Variants in HMGCLL1 observed in about 807,000 individuals in gnomAD.
The protein encoded by HMGCLL1 is 3-hydroxy-3-methylglutaryl-CoA lyase like 1, also known as 3-hydroxymethyl-3-methylglutaryl-CoA lyase, cytoplasmic.
HMGCLL1 carries 36 observed loss-of-function variants against 39.1 expected under a neutral mutation model. The observed-to-expected ratio is 0.92, with a 90% confidence interval of 0.71 to 1.22. HMGCLL1 has a LOEUF of 1.22. Ranked by LOEUF, HMGCLL1 falls within the 50% of genes most tolerant of loss-of-function variation. The pLI is 0.00. For missense variants in HMGCLL1, 451 were observed against 416.5 expected (o/e 1.08, Z -0.72); for synonymous variants, 149 against 144.0 (o/e 1.03, Z -0.25).
rs1764716573 is a variant in HMGCLL1 at position 55,464,570 on chromosome 6, A to C, written c.796-25011T>G. On this transcript the variant is annotated intron_variant, in intron 7 of 8. Transcript: ENST00000274901. The stretch of plus-strand genomic sequence containing the variant: ...TTGATTCAGTTTCATTCAGATTAAT[A>C]ATCTACTCAAGATTAATGATTAAAC... 3.3e-5 allele frequency among the ~76,000 whole-genome samples: 5 copies of C among 149,986 alleles called. No individual in the cohort carries two copies. The South Asian group carries it at 1.1e-3, about 32-fold the overall frequency.
intron 3 of HMGCLL1, among the ~76,000 whole-genome samples, chr6:55,532,621 T>C (rs891680495): frequency 1.3e-5 from 2 of 151,694 alleles, no homozygotes; most frequent in African/African-American, 4.8e-5. Context: ...GCCAAGATGG[T>C]GAAACCTCGT....
In HMGCLL1 at chr6:55,578,951, C is replaced by T. The variant is rs1450396752; in HGVS notation, c.105G>A (p.Ala35=). The T allele has an allele frequency of 6.2e-7, 1 of 1,609,452 alleles. No individual in the cohort carries two copies. The highest frequency in any genetic ancestry group is 8.5e-7 in the Non-Finnish European group (1 of 1,177,888). The stretch of plus-strand genomic sequence containing the variant: ...ACCCTGGGCCGCGAGGTGGTACCTG[C>T]GCGGGGTCGAGCGCCCCTGCCACTG... ...GDSVAGALDP[A]QETSQLSGLP... is the part of the protein sequence containing the mutation. Residue 35 remains alanine (A), a synonymous_variant, in exon 1 of 9, where the codon GCG becomes GCA. Transcript: ENST00000274901.
At chr6:55,621,497 C>T in the HMGCLL1 span, among the ~76,000 whole-genome samples, 1 of 151,898 alleles carries the variant, frequency 6.6e-6, no homozygotes, top group Non-Finnish European at 1.5e-5. Context: ...ATTAGATTCT[C>T]ATAGTACCAT....
the HMGCLL1 span, among the ~76,000 whole-genome samples, chr6:55,608,089 A>G: frequency 1.1e-4 from 17 of 152,190 alleles, no homozygotes. Flanking sequence ...TGCCTCTTAT[A>G]TTAGTAAACA....
intron 1 of HMGCLL1, among the ~76,000 whole-genome samples, chr6:55,563,018 A>G (rs185682453): frequency 6.6e-6 from 1 of 152,202 alleles, no homozygotes; most frequent in Admixed American, 6.6e-5. Flanking sequence ...ATAAACCTAC[A>G]TACATAAAGA....
the HMGCLL1 span, among the ~76,000 whole-genome samples, chr6:55,627,951 C>A: frequency 7.2e-3 from 33 of 4,568 alleles, 3 homozygotes; most frequent in Non-Finnish European, 9.5e-3. Context: ...AGTATATATA[C>A]TATATATATA....
the HMGCLL1 span, among the ~76,000 whole-genome samples, chr6:55,628,585 G>A: frequency 7.4e-4 from 112 of 151,790 alleles, no homozygotes; most frequent in African/African-American, 2.3e-3. Flanking sequence ...AATATGTTAC[G>A]TCACTCTCTC....
At chr6:55,566,919 G>T (rs1771246577) in intron 1 of HMGCLL1, among the ~76,000 whole-genome samples, 1 of 152,026 alleles carries the variant, frequency 6.6e-6, no homozygotes, top group Non-Finnish European at 1.5e-5. Flanking sequence ...CAATCAGAAA[G>T]GCAGTTAATT....
the HMGCLL1 span, among the ~76,000 whole-genome samples, chr6:55,657,521 C>A: frequency 6.6e-6 from 1 of 151,858 alleles, no homozygotes; most frequent in Non-Finnish European, 1.5e-5. Flanking sequence ...CTTCTGAATT[C>A]TCTATTTTGT....
At chr6:55,489,790 CA>C (rs1331075451) in intron 7 of HMGCLL1, among the ~76,000 whole-genome samples, 1 of 151,904 alleles carries the variant, frequency 6.6e-6, no homozygotes, top group East Asian at 1.9e-4. Flanking sequence ...CCAAGAAAAG[CA>C]AACAAAATAT....
At chr6:55,559,242 T>C (rs548166583) in intron 1 of HMGCLL1, among the ~76,000 whole-genome samples, 6 of 152,082 alleles carry the variant, frequency 3.9e-5, no homozygotes, top group African/African-American at 4.8e-5. Context: ...ACTACAAATA[T>C]AGTCCTTTAT....
intron 7 of HMGCLL1, among the ~76,000 whole-genome samples, chr6:55,465,603 C>T (rs1309362112): frequency 6.6e-6 from 1 of 151,834 alleles, no homozygotes; most frequent in Non-Finnish European, 1.5e-5. Context: ...CTGGTAGATA[C>T]CCTTTATGAG....
rs1012577639 is a variant in HMGCLL1 at position 55,547,292 on chromosome 6, G to A, written c.109-5152C>T. On this transcript the variant is annotated intron_variant, in intron 1 of 8. Coordinates refer to ENST00000274901, the MANE Select transcript of HMGCLL1 (RefSeq NM_001042406.2). ...GGCATATTTTGATGGGGATTTCTCT[G>A]AAATATTTAGAGTGTGTGTGGGTGT... Among the ~76,000 whole-genome samples, 6 of 152,090 alleles carry A rather than the reference G, an allele frequency of 3.9e-5. No individual in the cohort carries two copies. The South Asian group carries it at 8.3e-4, about 21-fold the overall frequency.
intron 4 of HMGCLL1, among the ~76,000 whole-genome samples, chr6:55,514,715 C>T (rs184230489): frequency 2.8e-4 from 43 of 152,212 alleles, no homozygotes; most frequent in Non-Finnish European, 4.9e-4. Flanking sequence ...TGTATCCTGA[C>T]TTCTACAGCC....
the HMGCLL1 span, among the ~76,000 whole-genome samples, chr6:55,642,361 C>T: frequency 6.6e-6 from 1 of 151,678 alleles, no homozygotes; most frequent in African/African-American, 2.4e-5. Flanking sequence ...TAATGCCGCA[C>T]TTAATCAGAA....
chr6:55,495,670 C>T, intron 6 of HMGCLL1, 63 bp from the exon 7 acceptor site: 2 of 1,199,966 alleles, frequency 1.7e-6, no homozygotes, highest in East Asian at 2.5e-5. Context: ...CCCTCTTGTG[C>T]CACAACTAAC....
the HMGCLL1 span, among the ~76,000 whole-genome samples, chr6:55,660,762 A>G: frequency 6.6e-6 from 1 of 151,632 alleles, no homozygotes; most frequent in Admixed American, 6.6e-5. Context: ...AAAATTTTAA[A>G]AAGTTCTGTT....
chr6:55,577,108 G>A, intron 1 of HMGCLL1: 1 of 1,612,964 alleles, frequency 6.2e-7, no homozygotes. Context: ...TGCCTGCCAA[G>A]GAGACTGAGA....
chr6:55,608,793 T>C, the HMGCLL1 span, among the ~76,000 whole-genome samples: 505 of 152,346 alleles, frequency 3.3e-3, 5 homozygotes, highest in Admixed American at 8.9e-3. Flanking sequence ...GAAGCCAAGA[T>C]GGCCAACTAG....
Sources: gnomAD v4.1 joint callset for allele counts (sites outside exome capture counted in the v4.1 genomes callset) on GRCh38, gnomAD v4.1.1 for gene constraint, MANE v1.5 for transcripts, NCBI Gene and HGNC (gene_info 2026-07-23, HGNC 2026-07-21) for gene names.